APOLD1: variants seen among roughly 807,000 people sequenced by gnomAD.
APOLD1 encodes the protein apolipoprotein L domain containing 1.
A neutral mutation model predicts 15.3 loss-of-function variants in APOLD1; 22 were observed. The ratio of observed to expected loss-of-function variants is 1.44; its 90% CI spans 1.03 to 2.05. The LOEUF (loss-of-function observed/expected upper bound fraction) is 2.05. Among genes scored for constraint, APOLD1 ranks in the 30% most tolerant of loss-of-function variants. APOLD1 has a pLI of 0.00. For missense variants in APOLD1, 394 were observed against 353.5 expected, an observed-to-expected ratio of 1.11 and a Z score of -0.92; for synonymous variants, 190 against 167.4, an observed-to-expected ratio of 1.13 and a Z score of -1.04.
intron 1 of APOLD1, among the ~76,000 whole-genome samples, chr12:12,768,383 A>G (rs546778097): frequency 9.1e-4 from 139 of 152,276 alleles, no homozygotes; most frequent in African/African-American, 3.2e-3. Context: ...CTGTAATCCC[A>G]GCACTTTGGG....
chr12:12,786,547 A>G (rs1947125721), intron 1 of APOLD1: 1 of 523,914 alleles, frequency 1.9e-6, no homozygotes, highest in Non-Finnish European at 2.4e-6. Context: ...TCTTAAGTAG[A>G]GCAAAGGCCT....
At chr12:12,730,088 GAGAGAGAGAC>G (rs1946626897) in intron 1 of APOLD1, among the ~76,000 whole-genome samples, 1 of 150,540 alleles carries the variant, frequency 6.6e-6, no homozygotes, top group Non-Finnish European at 1.5e-5. Flanking sequence ...GAGAGAGAGA[GAGAGAGAGAC>G]AGACAGGTTC....
chr12:12,730,071 TGTGTGTGAGAGAGA>T (rs1162825571), intron 1 of APOLD1, among the ~76,000 whole-genome samples: 87 of 61,288 alleles, frequency 1.4e-3, no homozygotes, highest in Admixed American at 7.0e-3. Context: ...TGTGTGTGTG[TGTGTGTGAGAGAGA>T]GAGAGAGAGA....
At chr12:12,766,159 G>C in intron 1 of APOLD1, among the ~76,000 whole-genome samples, 1 of 152,122 alleles carries the variant, frequency 6.6e-6, no homozygotes, top group East Asian at 1.9e-4. Context: ...GAATAATATG[G>C]CTGCTTCACA....
chr12:12,731,549 C>T (rs1946642218), intron 1 of APOLD1, among the ~76,000 whole-genome samples: 1 of 152,062 alleles, frequency 6.6e-6, no homozygotes, highest in South Asian at 2.1e-4. Flanking sequence ...GGGTTAATTT[C>T]CCCAATAAAT....
At chr12:12,763,404 G>A (rs984640368) in intron 1 of APOLD1, among the ~76,000 whole-genome samples, 2 of 152,044 alleles carry the variant, frequency 1.3e-5, no homozygotes, top group African/African-American at 4.8e-5. Flanking sequence ...TAAAAAAAGT[G>A]TAGTATTTGT....
chr12:12,740,046 A>C (rs985452120), intron 1 of APOLD1, among the ~76,000 whole-genome samples: 11 of 149,066 alleles, frequency 7.4e-5, no homozygotes, highest in Non-Finnish European at 1.5e-4. Context: ...CAGTGGTGTG[A>C]TCTCAGGTCA....
intron 1 of APOLD1, among the ~76,000 whole-genome samples, chr12:12,786,515 ACC>A (rs888890453): frequency 2.0e-5 from 3 of 152,118 alleles, no homozygotes; most frequent in African/African-American, 7.2e-5. Flanking sequence ...AAACTGTACA[ACC>A]CACCACTTAC....
intron 1 of APOLD1, among the ~76,000 whole-genome samples, chr12:12,730,391 T>A (rs1310233712): frequency 2.0e-5 from 3 of 152,014 alleles, no homozygotes; most frequent in Non-Finnish European, 4.4e-5. Context: ...TTTTAAAGAT[T>A]TTATTTCGGC....
chr12:12,744,861 C>T (rs775906060), intron 1 of APOLD1, among the ~76,000 whole-genome samples: 3 of 152,046 alleles, frequency 2.0e-5, no homozygotes, highest in African/African-American at 4.8e-5. Flanking sequence ...TCTGTCTGCC[C>T]GACTTCATGG....
At chr12:12,764,782 A>G in intron 1 of APOLD1, 1 of 433,576 alleles carries the variant, frequency 2.3e-6, no homozygotes, top group Non-Finnish European at 5.0e-6. Flanking sequence ...GGTGGATGTG[A>G]TTCTCCATGC....
upstream of APOLD1, among the ~76,000 whole-genome samples, chr12:12,780,943 A>C (rs1276197723): frequency 6.6e-6 from 1 of 151,558 alleles, no homozygotes; most frequent in Admixed American, 6.6e-5. Context: ...TGAGATATAC[A>C]GTTAAGTATT....
At position 12,726,029 on chromosome 12, in the gene APOLD1, G is replaced by C. The variant is rs7297629; in HGVS notation, c.29G>C (p.Arg10Pro). The change falls in exon 1 of 2, where the codon CGG becomes CCG. Residue 10 changes from arginine to proline, a missense_variant. Coordinates refer to the APOLD1 transcript ENST00000326765. ...TTCCGCGCGCCGTGTCACCGGCTGC[G>C]GGCCAGGGGTACTCGGAAGGCGCGG... The C allele has an allele frequency of 1.9e-5, 29 of 1,527,418 alleles. No individual in the cohort carries two copies. The African/African-American group carries it at 3.8e-4, about 20-fold the overall frequency. The allele number at this position is 1,527,418 out of a possible 1,614,324, so 94.6% of individuals were successfully genotyped here.
chr12:12,780,915 G>A (rs549426030), upstream of APOLD1, among the ~76,000 whole-genome samples: 3 of 150,926 alleles, frequency 2.0e-5, no homozygotes, highest in African/African-American at 7.3e-5. Flanking sequence ...CTCCAAAAGA[G>A]GTCCTATATT....
At chr12:12,734,899 CA>C (rs767469359) in intron 1 of APOLD1, among the ~76,000 whole-genome samples, 2 of 152,106 alleles carry the variant, frequency 1.3e-5, no homozygotes, top group Non-Finnish European at 2.9e-5. Flanking sequence ...CACAAGGCGT[CA>C]CAGCTGTAAT....
intron 1 of APOLD1, among the ~76,000 whole-genome samples, chr12:12,778,160 G>C (rs192662438): frequency 6.6e-6 from 1 of 151,746 alleles, no homozygotes; most frequent in African/African-American, 2.4e-5. Flanking sequence ...CTTAAACTGA[G>C]CTCAAGCAGT....
Position 12,787,552 on chromosome 12 carries a change from T to C in APOLD1, c.647T>C (p.Leu216Pro). 6.2e-7 allele frequency: 1 copy of C among 1,613,736 alleles called. No individual in the cohort carries two copies. Among genetic ancestry groups the C allele is most frequent in the South Asian group, 1.1e-5 (1 of 91,086 alleles). Residue 216 changes from leucine (L) to proline (P), a missense_variant, in exon 2 of 2, where the codon CTC becomes CCC. Leu to Pro is a moderately conservative substitution (Grantham distance 98). Transcript: ENST00000356591. The surrounding 1 kb of genome is among the most constrained non-coding windows in gnomAD (Gnocchi z 4.9). The stretch of plus-strand genomic sequence containing the variant: ...TCCTGCACCGGGGCTCTGGACGAAC[T>C]CAGCGAGCAGCTGGAGTCTCGGGTT... ...LESCTGALDELSEQLESRVQL... is the reference protein window; with the variant it reads ...LESCTGALDEPSEQLESRVQL...
At chr12:12,746,293 C>A (rs552388170) in intron 1 of APOLD1, among the ~76,000 whole-genome samples, 3 of 152,156 alleles carry the variant, frequency 2.0e-5, no homozygotes. Flanking sequence ...GTCAGGAGTT[C>A]GAGACCAACC....
chr12:12,755,989 C>A (rs7963838), intron 1 of APOLD1, among the ~76,000 whole-genome samples: 114,599 of 151,932 alleles, frequency 0.75, 43,317 homozygotes, highest in South Asian at 0.83. Flanking sequence ...CTTTCTCTCT[C>A]TATATAAGTC....
Sources: allele counts gnomAD v4.1 joint callset (sites outside exome capture counted in the v4.1 genomes callset), GRCh38; gene constraint gnomAD v4.1.1; non-coding constraint Gnocchi (gnomAD v3.1); transcripts MANE v1.5; gene names NCBI Gene and HGNC (gene_info 2026-07-23, HGNC 2026-07-21).